Variants in IRS1 observed in about 807,000 individuals in gnomAD.
IRS1 encodes insulin receptor substrate 1.
A neutral mutation model predicts 65.6 loss-of-function variants in IRS1; 34 were observed. The ratio of observed to expected loss-of-function variants is 0.52; its 90% CI spans 0.39 to 0.69. The LOEUF (loss-of-function observed/expected upper bound fraction) is 0.69, where lower values mean the gene tolerates loss of function less well. IRS1 is among the 30% of genes least tolerant of loss of function. The pLI is 0.00. For missense variants in IRS1, 1,641 were observed against 1,720.2 expected (o/e 0.95, Z 0.81); for synonymous variants, 699 against 683.5 (o/e 1.02, Z -0.35).
chr2:226,749,912 A>G (rs1056634640), intron 1 of IRS1, among the ~76,000 whole-genome samples: 14 of 152,122 alleles, frequency 9.2e-5, no homozygotes, highest in African/African-American at 3.4e-4. Context: ...CAGGCCTGGT[A>G]TTATGAGGGT....
intron 1 of IRS1, among the ~76,000 whole-genome samples, chr2:226,740,531 G>A (rs577537312): frequency 2.6e-5 from 4 of 152,094 alleles, no homozygotes; most frequent in Admixed American, 6.6e-5. Flanking sequence ...CTTACTGATC[G>A]TTTTTACTGG....
In IRS1 at chr2:226,796,311, A is replaced by G; in HGVS notation, c.2428T>C (p.Ser810Pro). The change falls in exon 1 of 2, where the codon TCC becomes CCC. Residue 810 changes from serine (S) to proline (P), a missense_variant. Physicochemically the swap from Ser to Pro is moderately conservative, Grantham distance 74 (BLOSUM62 -1). Transcript: ENST00000305123. The part of the protein sequence containing the change: ...YAATADDSSS[S>P]TSSDSLGGGY... Reference sequence around the variant, plus strand: ...CCACCCAGGCTGTCGCTGCTGGTGGAAGAGGAAGAATCATCTGCTGTTGCA... The same window carrying G: ...CCACCCAGGCTGTCGCTGCTGGTGGGAGAGGAAGAATCATCTGCTGTTGCA... 2 of 1,613,442 alleles carry G rather than the reference A, an allele frequency of 1.2e-6. No individual in the cohort carries two copies. The highest frequency in any genetic ancestry group is 1.7e-6 in the Non-Finnish European group (2 of 1,180,024).
At chr2:226,757,154 A>G (rs1012525499) in intron 1 of IRS1, among the ~76,000 whole-genome samples, 2 of 152,168 alleles carry the variant, frequency 1.3e-5, no homozygotes, top group Admixed American at 6.5e-5. Context: ...ATTTATGACA[A>G]CGACTGCAAG....
intron 1 of IRS1, among the ~76,000 whole-genome samples, chr2:226,774,902 A>T (rs1275673424): frequency 6.6e-6 from 1 of 152,248 alleles, no homozygotes; most frequent in Non-Finnish European, 1.5e-5. Flanking sequence ...CTGTAGAGAC[A>T]ATAAACAGAT....
chr2:226,769,444 A>G (rs1559152838), intron 1 of IRS1, among the ~76,000 whole-genome samples: 1 of 152,296 alleles, frequency 6.6e-6, no homozygotes, highest in African/African-American at 2.4e-5. Context: ...TCTATGGAAG[A>G]CTAGACCAAG....
At chr2:226,771,817 G>GT (rs1433004032) in intron 1 of IRS1, among the ~76,000 whole-genome samples, 4 of 152,028 alleles carry the variant, frequency 2.6e-5, no homozygotes, top group Non-Finnish European at 4.4e-5. Flanking sequence ...TTATTTTCAA[G>GT]TTTTTATATA....
intron 1 of IRS1, among the ~76,000 whole-genome samples, chr2:226,748,911 G>T (rs937169934): frequency 6.6e-5 from 10 of 152,156 alleles, no homozygotes; most frequent in Admixed American, 3.9e-4. Context: ...AGGGTTTTCA[G>T]ATTGAACCCT....
At chr2:226,736,878 A>G (rs985514064) in intron 1 of IRS1, among the ~76,000 whole-genome samples, 1 of 152,246 alleles carries the variant, frequency 6.6e-6, no homozygotes. Flanking sequence ...TTGCAAGTCA[A>G]GAAGGTAAAT....
At chr2:226,760,915 C>T (rs1159259256) in intron 1 of IRS1, among the ~76,000 whole-genome samples, 6 of 152,184 alleles carry the variant, frequency 3.9e-5, no homozygotes, top group African/African-American at 1.4e-4. Context: ...TTGCTGTCAC[C>T]AGAAGACTTG....
Position 226,754,724 on chromosome 2 carries a change from AC to A in IRS1, c.*22-18475del, listed in dbSNP as rs528121625. 7.2e-5 allele frequency among the ~76,000 whole-genome samples: 11 copies of A among 152,352 alleles called. No individual in the cohort carries two copies. The East Asian group carries it at 1.9e-3, about 27-fold the overall frequency. On this transcript the variant is annotated intron_variant, in intron 1 of 1. Coordinates refer to ENST00000305123, the MANE Select transcript of IRS1 (RefSeq NM_005544.3). The stretch of plus-strand genomic sequence containing the variant: ...AGGAAACAGGGTAAGCTTTGTGTTT[AC>A]AAAGGTAATGAGAAATTACATACTG...
rs1465446723 is a variant in IRS1, at chr2:226,794,715, C to G, written c.*21+274G>C. Among the ~76,000 whole-genome samples the G allele has an allele frequency of 6.6e-6, 1 of 152,238 alleles. No individual in the cohort carries two copies. Among genetic ancestry groups the G allele is most frequent in the East Asian group, 1.9e-4 (1 of 5,204 alleles). On this transcript the variant is annotated intron_variant, in intron 1 of 1. Transcript: ENST00000305123. This position sits in a 1 kb window ranked among gnomAD's most constrained non-coding sequence, Gnocchi z 4.1. Reference sequence around the variant, plus strand: ...CGGAGGAACTCTACAAAACGCAGAACTGGCATAGGATATATGTTTTAAAAA... The same window carrying G: ...CGGAGGAACTCTACAAAACGCAGAAGTGGCATAGGATATATGTTTTAAAAA...
At chr2:226,769,077 T>C (rs1939114371) in intron 1 of IRS1, among the ~76,000 whole-genome samples, 1 of 152,214 alleles carries the variant, frequency 6.6e-6, no homozygotes, top group African/African-American at 2.4e-5. Flanking sequence ...ATATTCAATA[T>C]ATTGCAATAT....
intron 1 of IRS1, among the ~76,000 whole-genome samples, chr2:226,787,607 G>A (rs1939510441): frequency 6.6e-6 from 1 of 152,094 alleles, no homozygotes; most frequent in Admixed American, 6.5e-5. Context: ...AAGGGGAGGG[G>A]AAGAACAAGA....
At chr2:226,792,139 T>TC (rs988001860) in intron 1 of IRS1, 1 of 152,180 alleles carries the variant, frequency 6.6e-6, no homozygotes, top group Non-Finnish European at 1.5e-5. Flanking sequence ...CTGTTTTTTT[T>TC]CTTTTTCTTT....
At chr2:226,790,419 A>G (rs1939568006) in intron 1 of IRS1, among the ~76,000 whole-genome samples, 1 of 152,158 alleles carries the variant, frequency 6.6e-6, no homozygotes, top group Non-Finnish European at 1.5e-5. Context: ...TTGAGGGGGA[A>G]CTCAGAGAAA....
intron 1 of IRS1, among the ~76,000 whole-genome samples, chr2:226,778,471 A>G (rs1278489757): frequency 2.6e-5 from 4 of 152,218 alleles, no homozygotes; most frequent in Non-Finnish European, 5.9e-5. Context: ...CCAAAGTAAA[A>G]GCTTTTTACA....
chr2:226,760,176 G>GA (rs971084204), intron 1 of IRS1, among the ~76,000 whole-genome samples: 2 of 151,368 alleles, frequency 1.3e-5, no homozygotes, highest in Non-Finnish European at 2.9e-5. Context: ...CCCTGTCTCA[G>GA]AAAAAAAATA....
In IRS1 at chr2:226,795,510, G is replaced by A; in HGVS notation, c.3229C>T (p.Leu1077Phe). The change falls in exon 1 of 2, where the codon CTC becomes TTC. Residue 1077 changes from leucine (L) to phenylalanine (F), a missense_variant. Leu to Phe is a conservative substitution (Grantham distance 22, BLOSUM62 0). This residue lies in a region of IRS1 where 1,324 missense variants were observed against 1,361.0 expected (regional missense o/e 0.97). Transcript: ENST00000305123. ...GGMSAFTRVN[L>F]SPNRNQSAKV... ...GCACTCTGGTTGCGGTTAGGACTGAGGTTCACCCGGGTGAAGGCGCTCATG... is the reference window on the plus strand; with the variant it reads ...GCACTCTGGTTGCGGTTAGGACTGAAGTTCACCCGGGTGAAGGCGCTCATG... 1 of 1,613,378 alleles carries A rather than the reference G, an allele frequency of 6.2e-7. No individual in the cohort carries two copies. Among genetic ancestry groups the A allele is most frequent in the South Asian group, 1.1e-5 (1 of 91,080 alleles).
rs759434975 is a variant in IRS1, at chr2:226,797,883, G to A, written c.856C>T (p.Arg286Trp). The stretch of plus-strand genomic sequence containing the variant: ...GGCGGGGGATTGTTGAGATGGTGCC[G>A]GCGCAGGGGGACGCTGATGGGGTTA... ...CSNPISVPLRRHHLNNPPPSQ... is the reference protein window; with the variant it reads ...CSNPISVPLRWHHLNNPPPSQ... Residue 286 changes from arginine to tryptophan, a missense_variant, in exon 1 of 2, where the codon CGG becomes TGG. Physicochemically the swap from Arg to Trp is moderately radical, Grantham distance 101. Around this residue, in one of 3 missense-constraint regions of IRS1, gnomAD observed 1,324 missense variants for 1,361.0 expected, o/e 0.97. Transcript: ENST00000305123. This position sits in a 1 kb window ranked among gnomAD's most constrained non-coding sequence, Gnocchi z 8.1. 3.7e-6 allele frequency: 6 copies of A among 1,609,818 alleles called. No individual in the cohort carries two copies. The highest frequency in any genetic ancestry group is 2.2e-5 in the South Asian group (2 of 90,974).
Sources: gnomAD v4.1 joint callset for allele counts (sites outside exome capture counted in the v4.1 genomes callset) on GRCh38, gnomAD v4.1.1 for gene constraint, gnomAD v4.1.1 regional missense constraint, Gnocchi (gnomAD v3.1) non-coding constraint, MANE v1.5 for transcripts, NCBI Gene and HGNC (gene_info 2026-07-23, HGNC 2026-07-21) for gene names.